Variants in EML6 observed in about 807,000 individuals in gnomAD.
The protein encoded by EML6 is EMAP like 6, also known as echinoderm microtubule-associated protein-like 6.
EML6 carries 154 observed loss-of-function variants against 240.1 expected under a neutral mutation model. The ratio of observed to expected loss-of-function variants is 0.64; its 90% CI spans 0.56 to 0.73. The LOEUF is 0.73. Among genes scored for constraint, EML6 ranks in the 30% least tolerant of loss-of-function variants. EML6 has a pLI of 0.00. For synonymous variants in EML6, 1,148 were observed against 899.0 expected, an observed-to-expected ratio of 1.28 and a Z score of -4.95; for missense variants, 2,964 against 2,474.6, an observed-to-expected ratio of 1.20 and a Z score of -4.20.
chr2:54,929,692 ACCTCCTCCTCCTCCTCCT>A (rs67666233), intron 28 of EML6, among the ~76,000 whole-genome samples: 13 of 143,066 alleles, frequency 9.1e-5, no homozygotes, highest in Admixed American at 5.9e-4. Flanking sequence ...AAGAAATGTA[ACCTCCTCCTCCTCCTCCT>A]CCTCCTCCTC....
At chr2:54,934,985 G>C (rs1558702572) in intron 28 of EML6, among the ~76,000 whole-genome samples, 1 of 152,194 alleles carries the variant, frequency 6.6e-6, no homozygotes, top group Non-Finnish European at 1.5e-5. Flanking sequence ...GTGATAAACT[G>C]AGTATGAGTT....
chr2:54,903,560 T>A, intron 24 of EML6, 58 bp downstream of exon 24: 1 of 1,483,596 alleles, frequency 6.7e-7, no homozygotes, highest in Non-Finnish European at 9.1e-7. Context: ...TGTCCATTTA[T>A]GCATTGTTTC....
chr2:54,945,112 C>G (rs868527261), intron 28 of EML6, among the ~76,000 whole-genome samples: 100 of 102,618 alleles, frequency 9.7e-4, no homozygotes, highest in African/African-American at 3.6e-3. Flanking sequence ...CCACTCCTCC[C>G]TCTCTCCTCC....
chr2:54,808,183 G>A (rs111325269), intron 2 of EML6, among the ~76,000 whole-genome samples: 242 of 152,318 alleles, frequency 1.6e-3, no homozygotes, highest in Middle Eastern at 0.014. Flanking sequence ...CCTCTCTGTG[G>A]TGTCAAGATC....
At chr2:54,904,865 G>A (rs183852793) in intron 24 of EML6, among the ~76,000 whole-genome samples, 28 of 152,328 alleles carry the variant, frequency 1.8e-4, no homozygotes, top group Admixed American at 1.2e-3. Context: ...ATTTCTTGGA[G>A]TAGTGGCCAT....
At chr2:54,801,737 C>G (rs1234198611) in intron 2 of EML6, among the ~76,000 whole-genome samples, 1 of 152,164 alleles carries the variant, frequency 6.6e-6, no homozygotes, top group African/African-American at 2.4e-5. Flanking sequence ...GAACCTAATG[C>G]AATTTTTCAA....
chr2:54,849,960 A>G lies in EML6; in HGVS notation c.1188-2A>G. The stretch of plus-strand genomic sequence containing the variant: ...TTATCGTTTTGCTTTTTATTCTTAC[A>G]GAGATATGACAGAAGTAGTTCACAT... On this transcript the variant is annotated splice_acceptor_variant, in intron 9 of 41. Coordinates refer to ENST00000356458, the MANE Select transcript of EML6 (RefSeq NM_001039753.4). LOFTEE classifies it high-confidence loss of function. The G allele has an allele frequency of 1.3e-6, 2 of 1,549,262 alleles. No homozygotes were observed. Among genetic ancestry groups the G allele is most frequent in the Non-Finnish European group, 1.7e-6 (2 of 1,145,258 alleles).
intron 10 of EML6, among the ~76,000 whole-genome samples, chr2:54,850,903 G>A (rs1056030982): frequency 5.9e-5 from 9 of 152,180 alleles, no homozygotes; most frequent in Middle Eastern, 3.2e-3. Flanking sequence ...CATCAGTAGG[G>A]ATACATCTCA....
chr2:54,907,689 A>G (rs1673394233), intron 24 of EML6, among the ~76,000 whole-genome samples: 1 of 152,134 alleles, frequency 6.6e-6, no homozygotes. Flanking sequence ...GCTCTATGGT[A>G]CCCGCAAGAT....
At chr2:54,923,711 T>G (rs1181511070) in intron 26 of EML6, among the ~76,000 whole-genome samples, 5 of 152,200 alleles carry the variant, frequency 3.3e-5, no homozygotes, top group Non-Finnish European at 7.3e-5. Flanking sequence ...AAAAAGCTCA[T>G]GTACCTATAT....
At chr2:54,875,536 A>G (rs886307572) in intron 16 of EML6, among the ~76,000 whole-genome samples, 1 of 152,238 alleles carries the variant, frequency 6.6e-6, no homozygotes, top group African/African-American at 2.4e-5. Context: ...TCCTGGAAAT[A>G]TAAAGCAGGC....
intron 2 of EML6, among the ~76,000 whole-genome samples, chr2:54,742,943 C>T (rs900769637): frequency 8.5e-5 from 13 of 152,102 alleles, no homozygotes; most frequent in African/African-American, 2.2e-4. Context: ...TACCATCAGC[C>T]GATTGATATA....
At chr2:54,928,870 T>C in intron 28 of EML6, 119 bp downstream of exon 28, 1 of 1,205,512 alleles carries the variant, frequency 8.3e-7, no homozygotes, top group Non-Finnish European at 1.2e-6. Context: ...TTATAAATCT[T>C]CACAGAGTCT....
intron 2 of EML6, among the ~76,000 whole-genome samples, chr2:54,798,074 T>G (rs1276056087): frequency 1.3e-5 from 2 of 152,206 alleles, no homozygotes; most frequent in African/African-American, 4.8e-5. Context: ...TGAAGCAATT[T>G]GAGGAGGTTT....
chr2:54,756,350 G>T (rs747538822), intron 2 of EML6, among the ~76,000 whole-genome samples: 28 of 152,276 alleles, frequency 1.8e-4, no homozygotes, highest in Non-Finnish European at 1.6e-4. Context: ...CAATGGAAAG[G>T]TTGGTAGAAT....
At chr2:54,940,221 G>C (rs1296305294) in intron 28 of EML6, among the ~76,000 whole-genome samples, 1 of 152,156 alleles carries the variant, frequency 6.6e-6, no homozygotes, top group Non-Finnish European at 1.5e-5. Context: ...CAGTTGAATG[G>C]ATAAGGCATT....
At chr2:54,839,956 A>C (rs962573004) in intron 7 of EML6, among the ~76,000 whole-genome samples, 3 of 152,248 alleles carry the variant, frequency 2.0e-5, no homozygotes, top group Non-Finnish European at 2.9e-5. Context: ...GGGTTATTAT[A>C]ATCTTTTTTC....
At chr2:54,945,835 C>T (rs1171021386) in intron 28 of EML6, among the ~76,000 whole-genome samples, 1 of 152,228 alleles carries the variant, frequency 6.6e-6, no homozygotes, top group Non-Finnish European at 1.5e-5. Context: ...TGAGTCTAAG[C>T]TTTCTCTTCA....
At chr2:54,793,030 G>A (rs748876231) in intron 2 of EML6, among the ~76,000 whole-genome samples, 1 of 152,222 alleles carries the variant, frequency 6.6e-6, no homozygotes, top group Non-Finnish European at 1.5e-5. Flanking sequence ...CACTTTAGGA[G>A]GCTGAGGCAG....
Sources: gnomAD v4.1 joint callset for allele counts (sites outside exome capture counted in the v4.1 genomes callset) on GRCh38, gnomAD v4.1.1 for gene constraint, MANE v1.5 for transcripts, NCBI Gene and HGNC (gene_info 2026-07-23, HGNC 2026-07-21) for gene names.